The following NRF1 variants were observed in gnomAD, a reference collection of about 807,000 sequenced individuals.
NRF1 encodes nuclear respiratory factor 1, also known as alpha palindromic-binding protein.
A neutral mutation model predicts 58.5 loss-of-function variants in NRF1; 5 were observed. That is an observed-to-expected ratio of 0.09 (90% CI 0.04 to 0.18). The LOEUF is 0.18. NRF1 is among the 10% of genes least tolerant of loss of function. The probability of loss-of-function intolerance (pLI) is 1.00; values close to 1 mark genes in which losing one functional copy is unlikely to be tolerated. For synonymous variants in NRF1, 224 were observed against 246.7 expected, an observed-to-expected ratio of 0.91 and a Z score of 0.86; for missense variants, 288 against 657.7, an observed-to-expected ratio of 0.44 and a Z score of 6.15.
intron 1 of NRF1, among the ~76,000 whole-genome samples, chr7:129,642,802 C>T (rs1224421824): frequency 5.6e-5 from 8 of 142,214 alleles, no homozygotes; most frequent in East Asian, 5.2e-4. Flanking sequence ...CCATTGTTTT[C>T]CAGGCTGGAG....
intron 4 of NRF1, among the ~76,000 whole-genome samples, chr7:129,685,003 G>T (rs564147330): frequency 2.2e-4 from 34 of 152,324 alleles, no homozygotes; most frequent in Admixed American, 1.5e-3. Flanking sequence ...ACAGCCTGCA[G>T]CCTGGCTGGA....
intron 10 of NRF1, chr7:129,744,130 CTTTTTTTTTTT>C: frequency 8.3e-7 from 1 of 1,211,576 alleles, no homozygotes; most frequent in Non-Finnish European, 1.1e-6. Context: ...TTGCCCGGTG[CTTTTTTTTTTT>C]TTTTTTTTTA....
intron 9 of NRF1, among the ~76,000 whole-genome samples, chr7:129,720,536 G>A (rs940209661): frequency 1.3e-5 from 2 of 152,148 alleles, no homozygotes; most frequent in Non-Finnish European, 2.9e-5. Flanking sequence ...TCTGTTTTGG[G>A]TGCAGATAAA....
intron 5 of NRF1, among the ~76,000 whole-genome samples, chr7:129,694,155 A>T (rs941407724): frequency 9.2e-5 from 14 of 152,208 alleles, no homozygotes; most frequent in Non-Finnish European, 1.6e-4. Context: ...CTTACCAAAG[A>T]TGATGACTAA....
intron 5 of NRF1, 45 bp from the exon 6 acceptor site, chr7:129,709,030 C>A: frequency 7.2e-7 from 1 of 1,382,238 alleles, no homozygotes; most frequent in Non-Finnish European, 9.5e-7. Flanking sequence ...AAACACACCC[C>A]AGATGTCTTT....
At chr7:129,665,694 G>A (rs757696840) in intron 2 of NRF1, among the ~76,000 whole-genome samples, 56 of 152,202 alleles carry the variant, frequency 3.7e-4, no homozygotes, top group Non-Finnish European at 6.0e-4. Context: ...TACAATCATG[G>A]CTTACTGCAG....
chr7:129,626,871 T>A (rs1379346581), intron 1 of NRF1, among the ~76,000 whole-genome samples: 1 of 152,266 alleles, frequency 6.6e-6, no homozygotes, highest in Non-Finnish European at 1.5e-5. Flanking sequence ...GTGTATCCAT[T>A]GCTAAAGTAA....
intron 1 of NRF1, among the ~76,000 whole-genome samples, chr7:129,620,034 GAC>G (rs1188812745): frequency 4.6e-5 from 7 of 152,100 alleles, no homozygotes; most frequent in Admixed American, 3.3e-4. Flanking sequence ...GGGGGCTGTT[GAC>G]ACACAGAAAA....
intron 3 of NRF1, among the ~76,000 whole-genome samples, chr7:129,672,138 G>A (rs1802061843): frequency 6.6e-6 from 1 of 151,472 alleles, no homozygotes; most frequent in South Asian, 2.1e-4. Context: ...TTGTGTTTGA[G>A]GAACAGCCAG....
intron 10 of NRF1, among the ~76,000 whole-genome samples, chr7:129,744,904 A>G (rs554036285): frequency 7.2e-6 from 1 of 139,606 alleles, no homozygotes; most frequent in East Asian, 2.2e-4. Flanking sequence ...CCCTGCTCAG[A>G]TAGAAGAGGC....
At chr7:129,646,563 TCTC>T (rs1801409608) in intron 1 of NRF1, among the ~76,000 whole-genome samples, 1 of 152,022 alleles carries the variant, frequency 6.6e-6, no homozygotes, top group Non-Finnish European at 1.5e-5. Flanking sequence ...GGTAATCTGA[TCTC>T]CTAGTGGAAT....
chr7:129,661,913 G>A (rs904720751), intron 2 of NRF1, among the ~76,000 whole-genome samples: 1 of 150,682 alleles, frequency 6.6e-6, no homozygotes, highest in East Asian at 1.9e-4. Flanking sequence ...GAAGAAAAGA[G>A]GTTTCGGTGG....
intron 7 of NRF1, 115 bp downstream of exon 7, chr7:129,710,686 T>A: frequency 1.5e-6 from 1 of 659,162 alleles, no homozygotes; most frequent in Non-Finnish European, 2.7e-6. Flanking sequence ...TTTATATAGC[T>A]CCCCAAGATC....
chr7:129,736,710 T>TCCCACC (rs1304496011), intron 10 of NRF1, among the ~76,000 whole-genome samples: 27 of 146,858 alleles, frequency 1.8e-4, no homozygotes, highest in African/African-American at 1.2e-4. Flanking sequence ...CCAGAGGCAT[T>TCCCACC]CCCACCCCCA....
rs1802215876 is a variant in NRF1, at chr7:129,677,731, G to A, written c.438G>A (p.Val146=). ...SPSKPNPVFK[V]FGAAPLENVV... ...CCAAACCTAACCCTGTCTTTAAAGT[G>A]TTTGGTGCAGCACCTTTGGAGAATG... The change falls in exon 4 of 11, where the codon GTG becomes GTA. Residue 146 remains valine (V), a synonymous_variant. Coordinates refer to ENST00000393232, the MANE Select transcript of NRF1 (RefSeq NM_005011.5). 3 of 1,614,018 alleles carry A rather than the reference G, an allele frequency of 1.9e-6. No individual in the cohort carries two copies. Among genetic ancestry groups the A allele is most frequent in the South Asian group, 1.1e-5 (1 of 91,090 alleles).
intron 3 of NRF1, among the ~76,000 whole-genome samples, chr7:129,675,266 C>T (rs138411509): frequency 6.6e-6 from 1 of 152,352 alleles, no homozygotes; most frequent in African/African-American, 2.4e-5. Flanking sequence ...TCCGCAGTTA[C>T]TTCCTCCACT....
At chr7:129,703,556 T>C (rs1802884509) in intron 5 of NRF1, among the ~76,000 whole-genome samples, 1 of 152,208 alleles carries the variant, frequency 6.6e-6, no homozygotes, top group Non-Finnish European at 1.5e-5. Flanking sequence ...TTTGGGACAG[T>C]ATAAAAAGAA....
Position 129,662,383 on chromosome 7 carries a change from AGTGTGTGTGTGTGT to A in NRF1, c.223+4836_223+4849del, listed in dbSNP as rs3042950. 3.5e-3 allele frequency among the ~76,000 whole-genome samples: 509 copies of A among 145,852 alleles called. 3 individuals carry two copies. The highest frequency in any genetic ancestry group is 6.5e-3 in the Admixed American group (96 of 14,724). On this transcript the variant is annotated intron_variant, in intron 2 of 10. Coordinates refer to ENST00000393232, the MANE Select transcript of NRF1 (RefSeq NM_005011.5). ...TTTTTCCTCCAGTTTTAGAATTTCTAGTGTGTGTGTGTGTGTGTGTGTGTGTGTGTGTGTGTGTG... is the reference window on the plus strand; with the variant it reads ...TTTTTCCTCCAGTTTTAGAATTTCTAGTGTGTGTGTGTGTGTGTGTGTGTG...
chr7:129,671,371 C>A, intron 2 of NRF1, 58 bp from the exon 3 acceptor site: 2 of 1,038,020 alleles, frequency 1.9e-6, no homozygotes, highest in South Asian at 1.4e-5. Flanking sequence ...TTAATTGTTT[C>A]TGTCTTGAAC....
Sources: gnomAD v4.1 joint callset for allele counts (sites outside exome capture counted in the v4.1 genomes callset) on GRCh38, gnomAD v4.1.1 for gene constraint, MANE v1.5 for transcripts, NCBI Gene and HGNC (gene_info 2026-07-23, HGNC 2026-07-21) for gene names.